Variants in CDH9 observed in about 807,000 individuals in gnomAD.
CDH9 encodes the protein cadherin-9.
A neutral mutation model predicts 70.9 loss-of-function variants in CDH9; 28 were observed. That is an observed-to-expected ratio of 0.40 (90% CI 0.29 to 0.54). The LOEUF (loss-of-function observed/expected upper bound fraction) is 0.54. Among genes scored for constraint, CDH9 ranks in the 20% least tolerant of loss-of-function variants. The pLI, the probability that CDH9 is intolerant of heterozygous loss-of-function variation, is 0.59. For missense variants in CDH9, 874 were observed against 984.4 expected (o/e 0.89, Z 1.50); for synonymous variants, 409 against 343.1 (o/e 1.19, Z -2.12).
intron 2 of CDH9, among the ~76,000 whole-genome samples, chr5:26,944,085 G>C (rs1228960053): frequency 6.6e-6 from 1 of 151,746 alleles, no homozygotes; most frequent in African/African-American, 2.4e-5. Flanking sequence ...ATTATTTTTA[G>C]TCCATATTAT....
chr5:26,983,216 T>C (rs1204526715), intron 2 of CDH9, among the ~76,000 whole-genome samples: 2 of 152,104 alleles, frequency 1.3e-5, no homozygotes, highest in African/African-American at 4.8e-5. Flanking sequence ...AGAAGAAATA[T>C]CATGTTGACT....
In CDH9 at chr5:26,881,182, T is replaced by C. The variant is rs1364495552; in HGVS notation, c.2324A>G (p.Lys775Arg). Residue 775 changes from lysine to arginine, a missense_variant, in exon 12 of 12, where the codon AAA becomes AGA. Coordinates refer to ENST00000231021, the MANE Select transcript of CDH9 (RefSeq NM_016279.4). ...DYLSDWGPRF[K>R]KLADMYGGDD... The stretch of plus-strand genomic sequence containing the variant: ...ACCCCCATACATATCGGCAAGTTTT[T>C]TGAAACGAGGCCCCCAGTCACTGAG... 6.2e-7 allele frequency: 1 copy of C among 1,613,148 alleles called. No homozygotes were observed. The highest frequency in any genetic ancestry group is 8.5e-7 in the Non-Finnish European group (1 of 1,179,468).
intron 2 of CDH9, among the ~76,000 whole-genome samples, chr5:26,978,518 GA>G (rs1238689775): frequency 1.3e-5 from 2 of 151,648 alleles, no homozygotes; most frequent in Admixed American, 1.3e-4. Context: ...GGGATGATAT[GA>G]AATGCCCTAA....
intron 7 of CDH9, among the ~76,000 whole-genome samples, chr5:26,892,742 T>C (rs930432177): frequency 1.3e-5 from 2 of 152,108 alleles, no homozygotes; most frequent in African/African-American, 4.8e-5. Flanking sequence ...TTTTCTTTTC[T>C]TTTTTTGAGA....
At chr5:27,032,152 G>A (rs1367918031) in intron 1 of CDH9, among the ~76,000 whole-genome samples, 1 of 151,510 alleles carries the variant, frequency 6.6e-6, no homozygotes, top group African/African-American at 2.4e-5. Flanking sequence ...ATTTTAATAT[G>A]CTGAAATAGC....
At chr5:26,986,199 T>G (rs995952409) in intron 2 of CDH9, among the ~76,000 whole-genome samples, 5 of 152,266 alleles carry the variant, frequency 3.3e-5, no homozygotes, top group African/African-American at 9.6e-5. Flanking sequence ...TCATTGTATT[T>G]ATTTCCCCCA....
intron 1 of CDH9, among the ~76,000 whole-genome samples, chr5:27,017,887 T>C (rs532588867): frequency 6.6e-6 from 1 of 151,326 alleles, no homozygotes; most frequent in Admixed American, 6.6e-5. Flanking sequence ...TATATTGTAG[T>C]AGTGATGTAG....
intron 2 of CDH9, among the ~76,000 whole-genome samples, chr5:26,944,200 C>T (rs1020856105): frequency 1.3e-5 from 2 of 151,060 alleles, no homozygotes; most frequent in Non-Finnish European, 3.0e-5. Flanking sequence ...TTTTTTATTT[C>T]TTTAGATTCT....
Position 26,988,150 on chromosome 5 carries a change from A to G in CDH9, c.184T>C (p.Leu62=), listed in dbSNP as rs1255181449. 21 of 1,613,100 alleles carry G rather than the reference A, an allele frequency of 1.3e-5. No individual in the cohort carries two copies. The highest frequency in any genetic ancestry group is 1.8e-5 in the Non-Finnish European group (21 of 1,179,494). ...TCAGTACCTGTGTACTCTTCCAATAAGAAGAACTGATTCCACATCCAGCCA... is the reference window on the plus strand; with the variant it reads ...TCAGTACCTGTGTACTCTTCCAATAGGAAGAACTGATTCCACATCCAGCCA... The part of the protein sequence containing the change: ...KRGWMWNQFF[L]LEEYTGTDTQ... Residue 62 remains leucine (L), a synonymous_variant, in exon 2 of 12, where the codon TTA becomes CTA. Coordinates refer to ENST00000231021, the MANE Select transcript of CDH9 (RefSeq NM_016279.4).
In CDH9 at chr5:26,954,388, C is replaced by CTTTTTTTTTTTTTTT. The variant is rs59882843; in HGVS notation, c.228+33717_228+33718insAAAAAAAAAAAAAAA. 3.8e-3 allele frequency among the ~76,000 whole-genome samples: 350 copies of CTTTTTTTTTTTTTTT among 93,028 alleles called. 21 individuals carry two copies. The highest frequency in any genetic ancestry group is 0.014 in the East Asian group (38 of 2,774). 61.0% of individuals were successfully genotyped at this position (93,028 alleles called of 152,430 possible). ...AGCTTTTCGCTATTATACAGCCTTT[C>CTTTTTTTTTTTTTTT]TTTTTTTTTTTTTTGAGACATAGTC... On this transcript the variant is annotated intron_variant, in intron 2 of 11. Transcript: ENST00000231021.
intron 2 of CDH9, among the ~76,000 whole-genome samples, chr5:26,985,352 A>C (rs1404696661): frequency 6.6e-6 from 1 of 152,116 alleles, no homozygotes; most frequent in East Asian, 1.9e-4. Context: ...AATGTAAATC[A>C]ACCCAACAAG....
chr5:26,969,032 T>A (rs1017548528), intron 2 of CDH9, among the ~76,000 whole-genome samples: 1 of 152,198 alleles, frequency 6.6e-6, no homozygotes, highest in African/African-American at 2.4e-5. Context: ...ACTTTTCTTT[T>A]TACTAAACAA....
intron 2 of CDH9, among the ~76,000 whole-genome samples, chr5:26,980,078 A>T (rs892581158): frequency 3.3e-4 from 50 of 152,024 alleles, no homozygotes; most frequent in Middle Eastern, 6.8e-3. Context: ...ATTCAAGTAT[A>T]TAAGAAACAT....
At chr5:26,986,274 G>T (rs1742486411) in intron 2 of CDH9, among the ~76,000 whole-genome samples, 1 of 151,760 alleles carries the variant, frequency 6.6e-6, no homozygotes, top group Admixed American at 6.6e-5. Context: ...GAATAAATTG[G>T]CAAAAAATTC....
chr5:27,005,410 G>GA (rs1247047506), intron 1 of CDH9, among the ~76,000 whole-genome samples: 1 of 152,004 alleles, frequency 6.6e-6, no homozygotes, highest in East Asian at 1.9e-4. Flanking sequence ...AACAGCATAT[G>GA]AAAAAAAGCT....
rs59882843 is a variant in CDH9, at chr5:26,954,388, C to CTTTTTTTTTTTTTTTTT, written c.228+33717_228+33718insAAAAAAAAAAAAAAAAA. 1.3e-3 allele frequency among the ~76,000 whole-genome samples: 118 copies of CTTTTTTTTTTTTTTTTT among 93,054 alleles called. 11 individuals are homozygous for CTTTTTTTTTTTTTTTTT. The highest frequency in any genetic ancestry group is 4.8e-3 in the African/African-American group (102 of 21,244). The allele number at this position is 93,054 out of a possible 152,430, so 61.0% of individuals were successfully genotyped here. ...AGCTTTTCGCTATTATACAGCCTTT[C>CTTTTTTTTTTTTTTTTT]TTTTTTTTTTTTTTGAGACATAGTC... On this transcript the variant is annotated intron_variant, in intron 2 of 11. Transcript: ENST00000231021.
At chr5:27,029,534 G>C (rs1008717356) in intron 1 of CDH9, among the ~76,000 whole-genome samples, 3 of 151,982 alleles carry the variant, frequency 2.0e-5, no homozygotes, top group African/African-American at 7.2e-5. Flanking sequence ...GAAGTTGTTT[G>C]AAACAGTGGT....
intron 1 of CDH9, among the ~76,000 whole-genome samples, chr5:26,990,099 A>G (rs1172145392): frequency 6.6e-6 from 1 of 152,156 alleles, no homozygotes. Flanking sequence ...AAGAGTTATC[A>G]CAGTGCTAGC....
At chr5:27,035,696 GT>G (rs1352503080) in intron 1 of CDH9, among the ~76,000 whole-genome samples, 7 of 144,252 alleles carry the variant, frequency 4.9e-5, no homozygotes, top group African/African-American at 1.7e-4. Context: ...GTGTGTGTGT[GT>G]GTGTGTGTGT....
Sources: allele counts gnomAD v4.1 joint callset (sites outside exome capture counted in the v4.1 genomes callset), GRCh38; gene constraint gnomAD v4.1.1; transcripts MANE v1.5; gene names NCBI Gene and HGNC (gene_info 2026-07-23, HGNC 2026-07-21).